Variants in PDE4D observed in about 807,000 individuals in gnomAD.
PDE4D encodes 3',5'-cyclic-AMP phosphodiesterase 4D.
PDE4D carries 24 observed loss-of-function variants against 87.4 expected under a neutral mutation model. The observed-to-expected ratio is 0.27, with a 90% CI of 0.20 to 0.39. PDE4D has a LOEUF of 0.39. Ranked by LOEUF, PDE4D falls within the 10% of genes least tolerant of loss-of-function variation. The pLI, the probability that PDE4D is intolerant of heterozygous loss-of-function variation, is 1.00. For synonymous variants in PDE4D, 384 were observed against 383.2 expected (o/e 1.00, Z -0.02); for missense variants, 714 against 1,041.0 (o/e 0.69, Z 4.32).
At chr5:59,992,840 C>A (rs369089027) in intron 2 of PDE4D, among the ~76,000 whole-genome samples, 2 of 152,098 alleles carry the variant, frequency 1.3e-5, no homozygotes, top group Admixed American at 6.5e-5. Context: ...CACTAGAGGG[C>A]TATATTCTAA....
At chr5:59,323,073 T>A (rs1775003494) in intron 1 of PDE4D, among the ~76,000 whole-genome samples, 1 of 152,154 alleles carries the variant, frequency 6.6e-6, no homozygotes, top group Non-Finnish European at 1.5e-5. Context: ...ATCCCTAACC[T>A]TTCTATTTTA....
intron 5 of PDE4D, chr5:59,157,395 C>T (rs776690973): frequency 5.0e-5 from 35 of 701,508 alleles, no homozygotes; most frequent in East Asian, 2.7e-4. Context: ...ACAAGTGATC[C>T]GAAGACATTT....
At chr5:60,412,734 T>C (rs1304094971) in intron 1 of PDE4D, among the ~76,000 whole-genome samples, 3 of 152,234 alleles carry the variant, frequency 2.0e-5, no homozygotes, top group Non-Finnish European at 4.4e-5. Context: ...TGTTAAGTTT[T>C]TCTGTTAATT....
intron 1 of PDE4D, among the ~76,000 whole-genome samples, chr5:59,507,679 A>AAAAAAAAAAAAAAAAG (rs61334148): frequency 5.1e-5 from 6 of 118,712 alleles, no homozygotes; most frequent in Non-Finnish European, 8.4e-5. Flanking sequence ...AAAAAAAAAA[A>AAAAAAAAAAAAAAAAG]AAAAGAAAAG....
chr5:59,686,283 C>A (rs577219195), intron 1 of PDE4D, among the ~76,000 whole-genome samples: 1 of 152,226 alleles, frequency 6.6e-6, no homozygotes, highest in East Asian at 1.9e-4. Flanking sequence ...CATATTTTCC[C>A]ATTTACTCTT....
At chr5:59,160,645 C>T (rs143573495) in intron 5 of PDE4D, among the ~76,000 whole-genome samples, 2 of 152,184 alleles carry the variant, frequency 1.3e-5, no homozygotes, top group Middle Eastern at 3.4e-3. Flanking sequence ...CGCCTGCCCC[C>T]CAAGGTGATT....
chr5:59,040,413 G>C (rs1364138053), intron 5 of PDE4D, among the ~76,000 whole-genome samples: 1 of 152,216 alleles, frequency 6.6e-6, no homozygotes, highest in East Asian at 1.9e-4. Flanking sequence ...CGCATGTCCT[G>C]CATACTACTC....
At chr5:59,767,181 T>C (rs1163347346) in intron 1 of PDE4D, among the ~76,000 whole-genome samples, 1 of 152,146 alleles carries the variant, frequency 6.6e-6, no homozygotes, top group Non-Finnish European at 1.5e-5. Flanking sequence ...CTAACGTACA[T>C]ACTGTTTAGT....
At chr5:59,211,949 T>C (rs923624613) in intron 2 of PDE4D, among the ~76,000 whole-genome samples, 2 of 152,124 alleles carry the variant, frequency 1.3e-5, no homozygotes, top group African/African-American at 4.8e-5. Context: ...TTCAATTAAA[T>C]AGATAACCAC....
chr5:59,739,319 CTGAGA>C (rs529650167), intron 1 of PDE4D, among the ~76,000 whole-genome samples: 148 of 152,162 alleles, frequency 9.7e-4, no homozygotes, highest in African/African-American at 3.4e-3. Flanking sequence ...ATTCGGGAGG[CTGAGA>C]TGAGAGGATC....
intron 2 of PDE4D, among the ~76,000 whole-genome samples, chr5:60,015,067 C>A (rs975063895): frequency 1.3e-5 from 2 of 152,086 alleles, no homozygotes; most frequent in Non-Finnish European, 1.5e-5. Flanking sequence ...TTCTTGCTAG[C>A]GATACAACAA....
At chr5:59,627,792 C>A (rs1831070031) in intron 1 of PDE4D, among the ~76,000 whole-genome samples, 1 of 152,126 alleles carries the variant, frequency 6.6e-6, no homozygotes, top group Non-Finnish European at 1.5e-5. Context: ...ATAAAATCAC[C>A]CCAGCACTGC....
chr5:59,954,416 T>C lies in PDE4D; in HGVS notation c.272+34072A>G, dbSNP rs544062049. On this transcript the variant is annotated intron_variant, in intron 3 of 16. Coordinates refer to the PDE4D transcript ENST00000502484. Reference sequence around the variant, plus strand: ...AGAAGCCAATCTTCTATTTCAGGATTACTAAACAAACATCTTGGCAGTTAT... The same window carrying C: ...AGAAGCCAATCTTCTATTTCAGGATCACTAAACAAACATCTTGGCAGTTAT... 3.3e-5 allele frequency among the ~76,000 whole-genome samples: 5 copies of C among 152,316 alleles called. No individual in the cohort carries two copies. In the South Asian group the frequency reaches 1.0e-3, roughly 32 times the overall value.
chr5:60,022,289 C>G (rs1472464036), intron 2 of PDE4D, among the ~76,000 whole-genome samples: 1 of 152,150 alleles, frequency 6.6e-6, no homozygotes, highest in Non-Finnish European at 1.5e-5. Context: ...CCCATACCAC[C>G]TCCTAAAGTT....
chr5:59,631,982 A>C (rs994379793), intron 1 of PDE4D, among the ~76,000 whole-genome samples: 9 of 152,222 alleles, frequency 5.9e-5, no homozygotes, highest in African/African-American at 2.2e-4. Context: ...CAGCAAGCTA[A>C]GATACACTGG....
chr5:59,727,940 T>C (rs1368416658), intron 1 of PDE4D, among the ~76,000 whole-genome samples: 1 of 152,118 alleles, frequency 6.6e-6, no homozygotes, highest in Non-Finnish European at 1.5e-5. Context: ...ATTGGCTTCA[T>C]TGAAATAGGA....
Position 59,001,077 on chromosome 5 carries a change from A to T in PDE4D, c.922-7612T>A, listed in dbSNP as rs139725753. 8.3e-3 allele frequency among the ~76,000 whole-genome samples: 1,264 copies of T among 152,298 alleles called. 20 individuals carry two copies. Among genetic ancestry groups the T allele is most frequent in the Admixed American group, 0.011 (167 of 15,300 alleles). On this transcript the variant is annotated intron_variant, in intron 6 of 14. Transcript: ENST00000340635. ...CAGAATTGAGCTCAAGAGTAATCAGACATTTTACGAGGAGGGTTAAATGAG... is the reference window on the plus strand; with the variant it reads ...CAGAATTGAGCTCAAGAGTAATCAGTCATTTTACGAGGAGGGTTAAATGAG...
chr5:60,175,162 G>A lies in PDE4D; in HGVS notation c.42+10395C>T, dbSNP rs1034531382. Reference sequence around the variant, plus strand: ...TTTTTCTGTTTGGGTAATTTCTACTGACTTATTTTCAAGTCCAGTGATTAT... The same window carrying A: ...TTTTTCTGTTTGGGTAATTTCTACTAACTTATTTTCAAGTCCAGTGATTAT... On this transcript the variant is annotated intron_variant, in intron 2 of 16. Coordinates refer to the PDE4D transcript ENST00000502484. Among the ~76,000 whole-genome samples, 3 of 151,804 alleles carry A rather than the reference G, an allele frequency of 2.0e-5. No individual in the cohort carries two copies. The South Asian group carries it at 6.2e-4, about 32-fold the overall frequency.
At chr5:60,107,370 C>T (rs1264779492) in intron 2 of PDE4D, among the ~76,000 whole-genome samples, 2 of 152,194 alleles carry the variant, frequency 1.3e-5, no homozygotes, top group East Asian at 1.9e-4. Context: ...TAATCAATAG[C>T]TTACCAACCA....
Sources: allele counts gnomAD v4.1 joint callset (sites outside exome capture counted in the v4.1 genomes callset), GRCh38; gene constraint gnomAD v4.1.1; transcripts MANE v1.5; gene names NCBI Gene and HGNC (gene_info 2026-07-23, HGNC 2026-07-21).